Variants in CNTNAP5 observed in about 807,000 individuals in gnomAD.
CNTNAP5 encodes the protein contactin associated protein family member 5.
A neutral mutation model predicts 150.2 loss-of-function variants in CNTNAP5; 72 were observed. The ratio of observed to expected loss-of-function variants is 0.48; its 90% CI spans 0.40 to 0.58. The LOEUF (loss-of-function observed/expected upper bound fraction) is 0.58, where lower values mean the gene tolerates loss of function less well. CNTNAP5 is among the 20% of genes least tolerant of loss of function. The pLI, the probability that CNTNAP5 is intolerant of heterozygous loss-of-function variation, is 0.00. For synonymous variants in CNTNAP5, 672 were observed against 619.8 expected, an observed-to-expected ratio of 1.08 and a Z score of -1.25; for missense variants, 1,636 against 1,626.2, an observed-to-expected ratio of 1.01 and a Z score of -0.10.
chr2:124,383,221 C>A (rs1690845401), intron 3 of CNTNAP5, among the ~76,000 whole-genome samples: 1 of 152,180 alleles, frequency 6.6e-6, no homozygotes, highest in Non-Finnish European at 1.5e-5. Flanking sequence ...AGAGCTCCAG[C>A]TTTCCCTGGA....
intron 10 of CNTNAP5, among the ~76,000 whole-genome samples, chr2:124,535,748 G>A (rs2104899943): frequency 6.6e-6 from 1 of 152,136 alleles, no homozygotes; most frequent in Admixed American, 6.6e-5. Flanking sequence ...CTGCACTCCA[G>A]AGTGCAGACA....
intron 7 of CNTNAP5, among the ~76,000 whole-genome samples, chr2:124,478,157 A>C (rs186369145): frequency 1.3e-5 from 2 of 152,240 alleles, no homozygotes; most frequent in African/African-American, 4.8e-5. Flanking sequence ...GAAAAAAAAA[A>C]CTTCAGTTTC....
At chr2:124,789,056 G>T (rs1238196190) in intron 17 of CNTNAP5, among the ~76,000 whole-genome samples, 2 of 152,180 alleles carry the variant, frequency 1.3e-5, no homozygotes, top group Non-Finnish European at 2.9e-5. Context: ...CAAGTGACAT[G>T]CGTTTGACTC....
intron 1 of CNTNAP5, among the ~76,000 whole-genome samples, chr2:124,201,459 C>T (rs1685724963): frequency 6.6e-6 from 1 of 152,142 alleles, no homozygotes; most frequent in Non-Finnish European, 1.5e-5. Context: ...CACAATCATG[C>T]TAAGAAAGGG....
intron 1 of CNTNAP5, among the ~76,000 whole-genome samples, chr2:124,156,252 G>C (rs1376553220): frequency 2.0e-5 from 3 of 152,270 alleles, no homozygotes; most frequent in Non-Finnish European, 2.9e-5. Context: ...GATGACCTAG[G>C]GACAAGAGGA....
At chr2:124,589,442 G>C (rs1696630018) in intron 11 of CNTNAP5, among the ~76,000 whole-genome samples, 1 of 152,058 alleles carries the variant, frequency 6.6e-6, no homozygotes, top group South Asian at 2.1e-4. Context: ...TAGGCTTTTG[G>C]GTTGTTTCCA....
intron 1 of CNTNAP5, among the ~76,000 whole-genome samples, chr2:124,130,418 C>G (rs1683816634): frequency 6.6e-6 from 1 of 151,950 alleles, no homozygotes; most frequent in African/African-American, 2.4e-5. Flanking sequence ...ATACCTGCCC[C>G]CTCCTCCATC....
At chr2:124,582,996 T>C (rs186817367) in intron 11 of CNTNAP5, among the ~76,000 whole-genome samples, 1 of 152,092 alleles carries the variant, frequency 6.6e-6, no homozygotes, top group African/African-American at 2.4e-5. Context: ...TAAAAAAGGC[T>C]TTTTTTTCCA....
chr2:124,713,253 CTTTCTT>C (rs1467533955), intron 13 of CNTNAP5, among the ~76,000 whole-genome samples: 2 of 97,382 alleles, frequency 2.1e-5, no homozygotes, highest in Admixed American at 2.2e-4. Context: ...CTCTTTCTTT[CTTTCTT>C]TCTTTCTTTC....
At chr2:124,115,268 G>T (rs1418364653) in intron 1 of CNTNAP5, among the ~76,000 whole-genome samples, 1 of 152,078 alleles carries the variant, frequency 6.6e-6, no homozygotes, top group African/African-American at 2.4e-5. Context: ...TTTGCTACAG[G>T]TTTTATTAGA....
intron 3 of CNTNAP5, among the ~76,000 whole-genome samples, chr2:124,248,081 G>C (rs1265526450): frequency 6.6e-6 from 1 of 152,186 alleles, no homozygotes. Flanking sequence ...GCAAAAGCAA[G>C]TTATTACAAT....
intron 16 of CNTNAP5, among the ~76,000 whole-genome samples, chr2:124,767,864 G>A (rs191444756): frequency 9.9e-5 from 15 of 152,234 alleles, no homozygotes; most frequent in African/African-American, 2.6e-4. Flanking sequence ...TGTCTACTTC[G>A]GTCTAAGGCT....
chr2:124,712,350 T>C (rs764946075), intron 13 of CNTNAP5, among the ~76,000 whole-genome samples: 12 of 152,224 alleles, frequency 7.9e-5, no homozygotes, highest in Non-Finnish European at 1.5e-4. Flanking sequence ...GCATAATTAT[T>C]CTCATTTTAC....
chr2:124,576,790 G>A (rs955502876), intron 11 of CNTNAP5, among the ~76,000 whole-genome samples: 5 of 152,144 alleles, frequency 3.3e-5, no homozygotes, highest in Non-Finnish European at 7.3e-5. Flanking sequence ...TGATATCTAT[G>A]TCTTAAAATT....
intron 10 of CNTNAP5, among the ~76,000 whole-genome samples, chr2:124,529,973 G>T (rs1306801976): frequency 6.6e-6 from 1 of 152,092 alleles, no homozygotes; most frequent in Non-Finnish European, 1.5e-5. Flanking sequence ...ATACTTAAAC[G>T]GTATTAGTGC....
Position 124,647,961 on chromosome 2 carries a change from A to G in CNTNAP5, c.2077+3A>G, listed in dbSNP as rs756361646. 6 of 1,590,980 alleles carry G rather than the reference A, an allele frequency of 3.8e-6. No individual in the cohort carries two copies. The highest frequency in any genetic ancestry group is 2.3e-5 in the South Asian group (2 of 87,754). Reference sequence around the variant, plus strand: ...GTCCCGCCTGCTCAACACGCCGGGTAAGGCCTCTGCATGCATGACCACAGT... The same window carrying G: ...GTCCCGCCTGCTCAACACGCCGGGTGAGGCCTCTGCATGCATGACCACAGT... On this transcript the variant is annotated splice_donor_region_variant and intron_variant, in intron 13 of 23. Coordinates refer to ENST00000682447, the MANE Select transcript of CNTNAP5 (RefSeq NM_001367498.1).
At chr2:124,248,800 A>G (rs1471138923) in intron 3 of CNTNAP5, among the ~76,000 whole-genome samples, 2 of 152,166 alleles carry the variant, frequency 1.3e-5, no homozygotes, top group Admixed American at 6.6e-5. Flanking sequence ...ATTCATATGG[A>G]CACGTTCTAG....
At chr2:124,861,866 T>C (rs1677531626) in intron 19 of CNTNAP5, among the ~76,000 whole-genome samples, 1 of 152,200 alleles carries the variant, frequency 6.6e-6, no homozygotes, top group South Asian at 2.1e-4. Context: ...CACGCTGGAG[T>C]GCAGTGGCAC....
intron 1 of CNTNAP5, among the ~76,000 whole-genome samples, chr2:124,145,641 T>G (rs1684220697): frequency 2.1e-5 from 1 of 48,146 alleles, no homozygotes; most frequent in Non-Finnish European, 3.7e-5. Flanking sequence ...CTGGGGACTG[T>G]GGTGGGGTCG....
Sources: allele counts gnomAD v4.1 joint callset (sites outside exome capture counted in the v4.1 genomes callset), GRCh38; gene constraint gnomAD v4.1.1; transcripts MANE v1.5; gene names NCBI Gene and HGNC (gene_info 2026-07-23, HGNC 2026-07-21).